NLGN1: variants seen among roughly 807,000 people sequenced by gnomAD.
NLGN1 encodes neuroligin-1.
A neutral mutation model predicts 65.5 loss-of-function variants in NLGN1; 12 were observed. That is an observed-to-expected ratio of 0.18 (90% CI 0.12 to 0.30). The LOEUF (loss-of-function observed/expected upper bound fraction) is 0.30, where lower values mean the gene tolerates loss of function less well. Ranked by LOEUF, NLGN1 falls within the 10% of genes least tolerant of loss-of-function variation. NLGN1 has a pLI of 1.00. For synonymous variants in NLGN1, 350 were observed against 359.5 expected (o/e 0.97, Z 0.30); for missense variants, 750 against 1,007.1 (o/e 0.74, Z 3.46).
chr3:173,711,680 C>T (rs1769015377), intron 3 of NLGN1, among the ~76,000 whole-genome samples: 1 of 152,112 alleles, frequency 6.6e-6, no homozygotes, highest in Non-Finnish European at 1.5e-5. Context: ...TTATCTCTTA[C>T]CTGTTCTTAT....
chr3:173,813,432 A>T (rs903408191), intron 4 of NLGN1, among the ~76,000 whole-genome samples: 22 of 152,356 alleles, frequency 1.4e-4, no homozygotes, highest in African/African-American at 3.6e-4. Flanking sequence ...GAGATGTAGA[A>T]AGAAAAAGAG....
At chr3:173,975,475 C>A (rs1272884279) in intron 4 of NLGN1, among the ~76,000 whole-genome samples, 2 of 151,822 alleles carry the variant, frequency 1.3e-5, no homozygotes, top group African/African-American at 4.8e-5. Flanking sequence ...GATCACAGAA[C>A]AAAAATGCAA....
chr3:174,049,415 G>A (rs1054164936), intron 4 of NLGN1, among the ~76,000 whole-genome samples: 2 of 152,010 alleles, frequency 1.3e-5, no homozygotes, highest in Non-Finnish European at 2.9e-5. Flanking sequence ...GGAGAAAAGG[G>A]TTGAGCAGGG....
chr3:173,900,939 A>G (rs1343812979), intron 4 of NLGN1, among the ~76,000 whole-genome samples: 1 of 152,048 alleles, frequency 6.6e-6, no homozygotes. Flanking sequence ...CACAAAAGTG[A>G]TAACTAATAT....
chr3:174,221,603 A>T (rs981261740), intron 4 of NLGN1, among the ~76,000 whole-genome samples: 4 of 149,360 alleles, frequency 2.7e-5, no homozygotes, highest in Admixed American at 6.7e-5. Flanking sequence ...ACATACATTA[A>T]TTTTTTTTTT....
chr3:174,148,809 T>C (rs960000233), intron 4 of NLGN1, among the ~76,000 whole-genome samples: 1 of 152,190 alleles, frequency 6.6e-6, no homozygotes, highest in African/African-American at 2.4e-5. Flanking sequence ...GGCCCTAGTA[T>C]GTGCATGATA....
At chr3:174,170,174 T>C (rs1728252649) in intron 4 of NLGN1, among the ~76,000 whole-genome samples, 1 of 152,054 alleles carries the variant, frequency 6.6e-6, no homozygotes, top group African/African-American at 2.4e-5. Flanking sequence ...ATCTTGCTGT[T>C]GCTAGGTGGT....
chr3:173,910,296 GTTGT>G (rs1278052770), intron 4 of NLGN1, among the ~76,000 whole-genome samples: 3 of 152,240 alleles, frequency 2.0e-5, no homozygotes, highest in African/African-American at 4.8e-5. Context: ...TGCTGCTTGT[GTTGT>G]TTATCTCTGT....
At chr3:173,674,726 A>C (rs1019014636) in intron 3 of NLGN1, among the ~76,000 whole-genome samples, 3 of 152,080 alleles carry the variant, frequency 2.0e-5, no homozygotes, top group Non-Finnish European at 4.4e-5. Flanking sequence ...TTTTGAGTGG[A>C]GAGACATTTC....
At position 174,104,439 on chromosome 3, in the gene NLGN1, T is replaced by C. The variant is rs192414688; in HGVS notation, c.647-170876T>C. 3.1e-3 allele frequency among the ~76,000 whole-genome samples: 468 copies of C among 152,264 alleles called. 3 individuals are homozygous for C. Among genetic ancestry groups the C allele is most frequent in the African/African-American group, 0.011 (448 of 41,554 alleles). ...TTATTAAATGTTTAGAATTGTGTGT[T>C]CTGCATGTGCTCAACACTGTGAAAC... On this transcript the variant is annotated intron_variant, in intron 4 of 6. Transcript: ENST00000457714.
At chr3:173,942,449 A>C (rs1746329535) in intron 4 of NLGN1, among the ~76,000 whole-genome samples, 1 of 152,114 alleles carries the variant, frequency 6.6e-6, no homozygotes. Flanking sequence ...AAAACGAGGT[A>C]CCTCAGCCTA....
chr3:174,189,164 AGTTT>A (rs1731933931), intron 4 of NLGN1, among the ~76,000 whole-genome samples: 2 of 151,916 alleles, frequency 1.3e-5, no homozygotes. Context: ...GACATGTGGG[AGTTT>A]GTTTTTAATG....
chr3:174,289,950 T>A (rs1752554600), downstream of NLGN1, among the ~76,000 whole-genome samples: 1 of 66,314 alleles, frequency 1.5e-5, no homozygotes, highest in African/African-American at 9.3e-5. Context: ...TATGTATATA[T>A]ATGTGTATAT....
intron 4 of NLGN1, among the ~76,000 whole-genome samples, chr3:174,001,677 T>G (rs1307273758): frequency 6.6e-6 from 1 of 152,160 alleles, no homozygotes; most frequent in Non-Finnish European, 1.5e-5. Flanking sequence ...ATTTTGAGGA[T>G]TAAATAAAAC....
chr3:173,627,606 A>C (rs1420478702), intron 3 of NLGN1, among the ~76,000 whole-genome samples: 1 of 151,998 alleles, frequency 6.6e-6, no homozygotes, highest in Non-Finnish European at 1.5e-5. Flanking sequence ...TAATTTTTTG[A>C]GGAATCTGCC....
intron 4 of NLGN1, among the ~76,000 whole-genome samples, chr3:173,876,942 A>T (rs1485301368): frequency 2.0e-5 from 3 of 152,208 alleles, no homozygotes; most frequent in Non-Finnish European, 2.9e-5. Context: ...ATAGAAAATC[A>T]GCATTTGGAC....
At chr3:174,126,894 CT>C (rs1222659812) in intron 4 of NLGN1, among the ~76,000 whole-genome samples, 2 of 152,044 alleles carry the variant, frequency 1.3e-5, no homozygotes, top group African/African-American at 4.8e-5. Flanking sequence ...ACATTAGAAG[CT>C]TTTTTTCTGA....
chr3:173,705,316 A>G (rs2149906223), intron 3 of NLGN1, among the ~76,000 whole-genome samples: 1 of 152,294 alleles, frequency 6.6e-6, no homozygotes, highest in Non-Finnish European at 1.5e-5. Flanking sequence ...GAAATAGGTC[A>G]TTGTAAAACA....
At chr3:173,485,102 T>A (rs1200422791) in intron 2 of NLGN1, among the ~76,000 whole-genome samples, 1 of 134,784 alleles carries the variant, frequency 7.4e-6, no homozygotes, top group Non-Finnish European at 1.5e-5. Context: ...ATACCTTACT[T>A]GGATGGCAGC....
Sources: allele counts gnomAD v4.1 joint callset (sites outside exome capture counted in the v4.1 genomes callset), GRCh38; gene constraint gnomAD v4.1.1; transcripts MANE v1.5; gene names NCBI Gene and HGNC (gene_info 2026-07-23, HGNC 2026-07-21).